Variants in PCDH9 observed in about 807,000 individuals in gnomAD.
PCDH9 encodes the protein protocadherin-9.
Under a neutral mutation model 70.6 loss-of-function variants are expected in PCDH9, and 24 were observed. That is an observed-to-expected ratio of 0.34 (90% CI 0.25 to 0.48). The LOEUF is 0.48. Ranked by LOEUF, PCDH9 falls within the 20% of genes least tolerant of loss-of-function variation. PCDH9 has a pLI of 0.99. For missense variants in PCDH9, 1,281 were observed against 1,503.6 expected (o/e 0.85, Z 2.45); for synonymous variants, 562 against 558.5 (o/e 1.01, Z -0.09).
At chr13:67,188,909 G>A (rs966798992) in intron 2 of PCDH9, among the ~76,000 whole-genome samples, 8 of 151,896 alleles carry the variant, frequency 5.3e-5, no homozygotes, top group African/African-American at 1.9e-4. Flanking sequence ...CACCAAACCT[G>A]ATTTGTAGTC....
chr13:66,831,070 G>A (rs552168794), intron 3 of PCDH9, among the ~76,000 whole-genome samples: 2 of 152,248 alleles, frequency 1.3e-5, no homozygotes, highest in Admixed American at 6.5e-5. Context: ...GACTCTAGGA[G>A]GTTTAAGGGA....
chr13:66,620,488 CAT>C (rs1167484903), intron 4 of PCDH9, among the ~76,000 whole-genome samples: 1 of 152,146 alleles, frequency 6.6e-6, no homozygotes, highest in Non-Finnish European at 1.5e-5. Context: ...CACACACACA[CAT>C]ACACACACAG....
intron 3 of PCDH9, among the ~76,000 whole-genome samples, chr13:66,687,554 T>C (rs2078421956): frequency 6.6e-6 from 1 of 152,262 alleles, no homozygotes; most frequent in African/African-American, 2.4e-5. Context: ...CCATGTTCTA[T>C]AGTTAAATTT....
chr13:66,698,895 C>CTTTTTTTTTTTTTTTTTT (rs67333897), intron 3 of PCDH9, among the ~76,000 whole-genome samples: 4 of 61,130 alleles, frequency 6.5e-5, no homozygotes, highest in Admixed American at 2.4e-4. Flanking sequence ...CTCAATTCCT[C>CTTTTTTTTTTTTTTTTTT]TTTTTTTTTT....
chr13:66,631,720 A>G (rs926958403), intron 3 of PCDH9, among the ~76,000 whole-genome samples: 7 of 152,246 alleles, frequency 4.6e-5, no homozygotes, highest in Non-Finnish European at 1.0e-4. Flanking sequence ...ACAAAATTAC[A>G]GAAAAAAATT....
intron 2 of PCDH9, among the ~76,000 whole-genome samples, chr13:67,196,650 A>G (rs1423583724): frequency 2.0e-5 from 3 of 152,076 alleles, no homozygotes; most frequent in Admixed American, 6.6e-5. Flanking sequence ...AATACTGGGC[A>G]AGTGCATTTT....
chr13:67,057,685 A>C (rs2085449926), intron 2 of PCDH9, among the ~76,000 whole-genome samples: 1 of 152,082 alleles, frequency 6.6e-6, no homozygotes, highest in Admixed American at 6.6e-5. Flanking sequence ...ATGACAATTA[A>C]TTGGCTGTGA....
At chr13:66,762,864 GA>G (rs926440244) in intron 3 of PCDH9, among the ~76,000 whole-genome samples, 6 of 151,708 alleles carry the variant, frequency 4.0e-5, no homozygotes, top group Admixed American at 1.3e-4. Context: ...AAGTCTCAGA[GA>G]AAAAAAATTT....
chr13:66,313,536 C>T lies in PCDH9; in HGVS notation c.3341-8508G>A, dbSNP rs111609682. Among the ~76,000 whole-genome samples the T allele has an allele frequency of 8.5e-5, 13 of 152,230 alleles. 1 individual carries two copies. The highest frequency in any genetic ancestry group is 2.6e-4 in the African/African-American group (11 of 41,548). ...TAAGCCACTTACATAATATTTTGTC[C>T]CCTTTAAAAAGTGTTGCAAAAGCGA... is the stretch of plus-strand genomic sequence containing the variant. On this transcript the variant is annotated intron_variant, in intron 4 of 4. Transcript: ENST00000377865.
intron 4 of PCDH9, among the ~76,000 whole-genome samples, chr13:66,325,743 T>C (rs1955831758): frequency 6.6e-6 from 1 of 150,992 alleles, no homozygotes; most frequent in South Asian, 2.1e-4. Flanking sequence ...CTTATTTTAT[T>C]CACAATTTTT....
chr13:66,788,399 T>C (rs2080112068), intron 3 of PCDH9, among the ~76,000 whole-genome samples: 1 of 152,180 alleles, frequency 6.6e-6, no homozygotes, highest in Non-Finnish European at 1.5e-5. Context: ...TTGGGTAAGT[T>C]ATATGATTCA....
chr13:66,341,099 G>C (rs1299867741), intron 4 of PCDH9, among the ~76,000 whole-genome samples: 1 of 151,946 alleles, frequency 6.6e-6, no homozygotes, highest in Non-Finnish European at 1.5e-5. Flanking sequence ...AAAATGACTT[G>C]CTTTATTTTA....
At chr13:67,059,652 C>T (rs1243106768) in intron 2 of PCDH9, among the ~76,000 whole-genome samples, 2 of 151,222 alleles carry the variant, frequency 1.3e-5, no homozygotes, top group Admixed American at 6.6e-5. Context: ...CTACTAAACA[C>T]GTGCCTAATC....
intron 2 of PCDH9, among the ~76,000 whole-genome samples, chr13:66,995,233 T>C (rs1005251860): frequency 2.6e-5 from 4 of 152,206 alleles, no homozygotes; most frequent in African/African-American, 9.7e-5. Flanking sequence ...CTCTTTCAAA[T>C]GTAAAGCATG....
At chr13:66,690,141 T>C (rs1256680764) in intron 3 of PCDH9, among the ~76,000 whole-genome samples, 2 of 152,216 alleles carry the variant, frequency 1.3e-5, no homozygotes, top group African/African-American at 4.8e-5. Context: ...TGTATTATTC[T>C]CTTCTAAATA....
In PCDH9 at chr13:66,802,439, T is replaced by C. The variant is rs185494188; in HGVS notation, c.3138+101065A>G. 5.0e-3 allele frequency among the ~76,000 whole-genome samples: 766 copies of C among 152,204 alleles called. 11 individuals are homozygous for C. Among genetic ancestry groups the C allele is most frequent in the African/African-American group, 0.018 (737 of 41,558 alleles). On this transcript the variant is annotated intron_variant, in intron 3 of 4. Transcript: ENST00000377865. ...TTAAGATTATTCACCTATTTTACCT[T>C]AGGGATTTTAAGAAACAGAGATGTA...
Position 67,227,155 on chromosome 13 carries a change from T to C in PCDH9, c.1286A>G (p.Tyr429Cys). ...AAAGCTGAATTCTTTGGTGCCCTCATAGTCCAACAAAGAAGAGGTCTCTAA... is the reference window on the plus strand; with the variant it reads ...AAAGCTGAATTCTTTGGTGCCCTCACAGTCCAACAAAGAAGAGGTCTCTAA... ...YLLETSSLLD[Y>C]EGTKEFSFKI... Residue 429 changes from tyrosine to cysteine, a missense_variant, in exon 2 of 5, where the codon TAT becomes TGT. Physicochemically the swap from Tyr to Cys is radical, Grantham distance 194. Coordinates refer to ENST00000377865, the MANE Select transcript of PCDH9 (RefSeq NM_203487.3). The surrounding 1 kb of genome is among the most constrained non-coding windows in gnomAD (Gnocchi z 4.6). 1 of 1,613,528 alleles carries C rather than the reference T, an allele frequency of 6.2e-7. No individual in the cohort carries two copies. The highest frequency in any genetic ancestry group is 8.5e-7 in the Non-Finnish European group (1 of 1,179,396).
intron 4 of PCDH9, among the ~76,000 whole-genome samples, chr13:66,510,584 C>G (rs934549542): frequency 7.2e-5 from 11 of 152,088 alleles, no homozygotes; most frequent in African/African-American, 2.7e-4. Flanking sequence ...TTGTTCAATT[C>G]CCACCTATGA....
chr13:67,103,894 G>C (rs1278256493), intron 2 of PCDH9, among the ~76,000 whole-genome samples: 2 of 152,124 alleles, frequency 1.3e-5, no homozygotes, highest in Non-Finnish European at 2.9e-5. Flanking sequence ...GAACGACTTT[G>C]AATCTAGTTG....
Sources: allele counts gnomAD v4.1 joint callset (sites outside exome capture counted in the v4.1 genomes callset), GRCh38; gene constraint gnomAD v4.1.1; non-coding constraint Gnocchi (gnomAD v3.1); transcripts MANE v1.5; gene names NCBI Gene and HGNC (gene_info 2026-07-23, HGNC 2026-07-21).